Variants in UQCR11 observed in about 807,000 individuals in gnomAD.
UQCR11 encodes the protein ubiquinol-cytochrome c reductase, complex III subunit XI, also known as cytochrome b-c1 complex subunit 10.
A neutral mutation model predicts 7.6 loss-of-function variants in UQCR11; 10 were observed. The observed-to-expected ratio is 1.31, with a 90% CI of 0.81 to 2.22. The LOEUF (loss-of-function observed/expected upper bound fraction) is 2.22, where lower values mean the gene tolerates loss of function less well. Ranked by LOEUF, UQCR11 falls within the 30% of genes most tolerant of loss-of-function variation. The pLI is 0.00. For synonymous variants in UQCR11, 34 were observed against 34.9 expected (o/e 0.97, Z 0.09); for missense variants, 86 against 75.1 (o/e 1.15, Z -0.54).
intron 1 of UQCR11, chr19:1,602,457 TATTA>T (rs984206621): frequency 2.0e-4 from 31 of 152,212 alleles, no homozygotes; most frequent in African/African-American, 7.2e-4. Context: ...TTTATTTATT[TATTA>T]TTTATTTTGA....
intron 1 of UQCR11, among the ~76,000 whole-genome samples, chr19:1,601,455 G>T (rs911094698): frequency 6.6e-6 from 1 of 151,986 alleles, no homozygotes; most frequent in Admixed American, 6.6e-5. Flanking sequence ...TAAAAAATTA[G>T]CCAGGCAAGG....
intron 1 of UQCR11, among the ~76,000 whole-genome samples, chr19:1,600,821 A>C (rs889728027): frequency 6.6e-6 from 1 of 152,176 alleles, no homozygotes; most frequent in African/African-American, 2.4e-5. Flanking sequence ...CTGTGGCTAC[A>C]CCAACTGCCT....
At chr19:1,602,563 TGTCTCA>T (rs1354526596) in intron 1 of UQCR11, 1 of 152,126 alleles carries the variant, frequency 6.6e-6, no homozygotes, top group Non-Finnish European at 1.5e-5. Flanking sequence ...GTGATTCTCT[TGTCTCA>T]GCCTCCCATG....
intron 1 of UQCR11, among the ~76,000 whole-genome samples, chr19:1,604,655 G>C (rs1211500310): frequency 6.6e-6 from 1 of 152,142 alleles, no homozygotes; most frequent in Non-Finnish European, 1.5e-5. Flanking sequence ...AGCCTCCCGA[G>C]TAGCTGGGAT....
At position 1,599,398 on chromosome 19, in the gene UQCR11, C is replaced by T; in HGVS notation, c.*28+14G>A. The T allele has an allele frequency of 1.9e-6, 3 of 1,610,320 alleles. No homozygotes were observed. The highest frequency in any genetic ancestry group is 1.7e-6 in the Non-Finnish European group (2 of 1,178,452). On this transcript the variant is annotated intron_variant, in intron 2 of 2. Transcript: ENST00000591899. ...CATCATGCAGTCCACCCACCGCAGC[C>T]CACTGAAACTTACCAGAGCAGTCTG...
In UQCR11 at chr19:1,599,275, G is replaced by C. The variant is rs771984840; in HGVS notation, c.*28+137C>G. On this transcript the variant is annotated intron_variant, in intron 2 of 2. Transcript: ENST00000591899. Reference sequence around the variant, plus strand: ...GGAGATGCCAGAAGGGGCACCCAGGGCCCCACTCTCGAATGCAGGTCTCTC... The same window carrying C: ...GGAGATGCCAGAAGGGGCACCCAGGCCCCCACTCTCGAATGCAGGTCTCTC... The C allele has an allele frequency of 8.5e-4, 1,018 of 1,195,356 alleles. 2 individuals carry two copies. Among genetic ancestry groups the C allele is most frequent in the Non-Finnish European group, 1.1e-3 (957 of 859,638 alleles). 74.0% of individuals were successfully genotyped at this position (1,195,356 alleles called of 1,614,324 possible). A position where few individuals can be genotyped will look rare whatever the true frequency, so the allele number is the denominator to read the frequency against.
At chr19:1,603,406 TC>T (rs1457190211) in intron 1 of UQCR11, among the ~76,000 whole-genome samples, 1 of 152,072 alleles carries the variant, frequency 6.6e-6, no homozygotes, top group Admixed American at 6.5e-5. Flanking sequence ...ATCGTGACCA[TC>T]CTGGCTAACA....
At chr19:1,600,895 G>A (rs191220680) in intron 1 of UQCR11, among the ~76,000 whole-genome samples, 3 of 152,190 alleles carry the variant, frequency 2.0e-5, no homozygotes, top group Non-Finnish European at 2.9e-5. Context: ...GAGGCTGGGC[G>A]TGGTGGCTCA....
intron 1 of UQCR11, 60 bp from the exon 2 acceptor site, chr19:1,599,620 T>C (rs1382804410): frequency 1.0e-5 from 16 of 1,589,964 alleles, no homozygotes; most frequent in Non-Finnish European, 1.4e-5. Context: ...GACCCTCTCC[T>C]GCCCACCCCG....
Position 1,597,715 on chromosome 19 carries a change from T to C in UQCR11, c.*529A>G, listed in dbSNP as rs1487196593. 1 of 152,230 alleles carries C rather than the reference T, an allele frequency of 6.6e-6. No individual in the cohort carries two copies. The highest frequency in any genetic ancestry group is 1.5e-5 in the Non-Finnish European group (1 of 68,048). 9.4% of individuals were successfully genotyped at this position (152,230 alleles called of 1,614,324 possible). A position where few individuals can be genotyped will look rare whatever the true frequency, so the allele number is the denominator to read the frequency against. On this transcript the variant is annotated 3_prime_UTR_variant, in exon 3 of 3. Coordinates refer to ENST00000591899, the MANE Select transcript of UQCR11 (RefSeq NM_006830.4). ...GAGCCTTCCTCAGACGAAGTGGCCT[T>C]GGCTGATGTCTTAACTGCAACCTCA...
intron 1 of UQCR11, 103 bp downstream of exon 1, chr19:1,605,252 GGGCCC>G (rs542015483): frequency 3.4e-4 from 443 of 1,319,074 alleles, no homozygotes; most frequent in South Asian, 1.0e-3. Flanking sequence ...CAAGGGACCT[GGGCCC>G]GGCCCGGCCC....
chr19:1,600,767 G>C (rs2060745015), intron 1 of UQCR11, among the ~76,000 whole-genome samples: 1 of 152,214 alleles, frequency 6.6e-6, no homozygotes, highest in South Asian at 2.1e-4. Flanking sequence ...TCAGCTACTA[G>C]GAAAGCTGGG....
rs1371994730 is a variant in UQCR11 at position 1,599,300 on chromosome 19, C to A, written c.*28+112G>T. The A allele has an allele frequency of 3.5e-6, 5 of 1,430,034 alleles. No individual in the cohort carries two copies. The African/African-American group carries it at 7.1e-5, about 20-fold the overall frequency. The allele number at this position is 1,430,034 out of a possible 1,614,324, so 88.6% of individuals were successfully genotyped here. A position where few individuals can be genotyped will look rare whatever the true frequency, so the allele number is the denominator to read the frequency against. ...GCCCCACTCTCGAATGCAGGTCTCT[C>A]CAGGGGGAGCAGTGAGGGCTGCCGC... On this transcript the variant is annotated intron_variant, in intron 2 of 2. Coordinates refer to ENST00000591899, the MANE Select transcript of UQCR11 (RefSeq NM_006830.4).
chr19:1,605,379 G>C lies in UQCR11; in HGVS notation c.31C>G (p.Arg11Gly). The change falls in exon 1 of 3, where the codon CGG (arginine) becomes GGG (glycine). Residue 11 changes from arginine to glycine, a missense_variant. Transcript: ENST00000591899. ...CCTCACCAGTTCTTGACCAGCTCCC[G>C]GTAGCGTGGGCCCAGGAACCGGGTC... MVTRFLGPRYRELVKNWVPTA... is the reference protein window; with the variant it reads MVTRFLGPRYGELVKNWVPTA... The C allele has an allele frequency of 6.3e-7, 1 of 1,579,092 alleles. No individual in the cohort carries two copies. Among genetic ancestry groups the C allele is most frequent in the Non-Finnish European group, 8.6e-7 (1 of 1,167,292 alleles).
rs767120307 is a variant in UQCR11 at position 1,599,490 on chromosome 19, T to G, written c.121A>C (p.Ile41Leu). Residue 41 changes from isoleucine to leucine, a missense_variant, in exon 2 of 3, where the codon ATC becomes CTC. Physicochemically the swap from Ile to Leu is conservative, Grantham distance 5. Coordinates refer to ENST00000591899, the MANE Select transcript of UQCR11 (RefSeq NM_006830.4). ...GLVWATDWRL[I>L]LDWVPYINGK... The stretch of plus-strand genomic sequence containing the variant: ...TTGATGTAAGGTACCCAGTCCAGGA[T>G]CAGCCGCCAATCGGTGGCCCACACC... 3 of 1,613,720 alleles carry G rather than the reference T, an allele frequency of 1.9e-6. No individual in the cohort carries two copies. The highest frequency in any genetic ancestry group is 2.5e-6 in the Non-Finnish European group (3 of 1,180,020).
At chr19:1,604,776 G>T (rs948125542) in intron 1 of UQCR11, among the ~76,000 whole-genome samples, 13 of 152,088 alleles carry the variant, frequency 8.5e-5, no homozygotes, top group African/African-American at 1.9e-4. Context: ...TGATCCACCT[G>T]CCTCGGCCTC....
intron 2 of UQCR11, 141 bp downstream of exon 2, chr19:1,599,271 C>G (rs2060740055): frequency 8.7e-7 from 1 of 1,155,142 alleles, no homozygotes; most frequent in African/African-American, 1.5e-5. Context: ...AAGGGGCACC[C>G]AGGGCCCCAC....
chr19:1,600,073 CCT>C (rs920657563), intron 1 of UQCR11, among the ~76,000 whole-genome samples: 7 of 152,234 alleles, frequency 4.6e-5, no homozygotes, highest in Non-Finnish European at 8.8e-5. Flanking sequence ...TGAGAGCTCC[CCT>C]GAGTTGCCTG....
At position 1,597,741 on chromosome 19, in the gene UQCR11, T is replaced by C. The variant is rs1020605939; in HGVS notation, c.*503A>G. 5.3e-5 allele frequency: 8 copies of C among 152,344 alleles called. No individual in the cohort carries two copies. Among genetic ancestry groups the C allele is most frequent in the African/African-American group, 9.6e-5 (4 of 41,576 alleles). 9.4% of individuals were successfully genotyped at this position (152,344 alleles called of 1,614,324 possible). A position where few individuals can be genotyped will look rare whatever the true frequency, so the allele number is the denominator to read the frequency against. On this transcript the variant is annotated 3_prime_UTR_variant, in exon 3 of 3. Transcript: ENST00000591899. ...GGCTGATGTCTTAACTGCAACCTCA[T>C]GAGAGACTCTGGGCCACAACCACCC...
Sources: allele counts gnomAD v4.1 joint callset (sites outside exome capture counted in the v4.1 genomes callset), GRCh38; gene constraint gnomAD v4.1.1; transcripts MANE v1.5; gene names NCBI Gene and HGNC (gene_info 2026-07-23, HGNC 2026-07-21).